Variants in CTNNA2 observed in about 807,000 individuals in gnomAD.
CTNNA2 encodes the protein catenin alpha-2.
CTNNA2 carries 42 observed loss-of-function variants against 101.0 expected under a neutral mutation model. That is an observed-to-expected ratio of 0.42 (90% CI 0.32 to 0.54). The LOEUF (loss-of-function observed/expected upper bound fraction) is 0.54. Among genes scored for constraint, CTNNA2 ranks in the 20% least tolerant of loss-of-function variants. The pLI is 0.14. For synonymous variants in CTNNA2, 450 were observed against 456.4 expected, an observed-to-expected ratio of 0.99 and a Z score of 0.18; for missense variants, 871 against 1,223.1, an observed-to-expected ratio of 0.71 and a Z score of 4.29.
At chr2:80,594,469 T>C (rs1357664366) in intron 15 of CTNNA2, among the ~76,000 whole-genome samples, 1 of 152,136 alleles carries the variant, frequency 6.6e-6, no homozygotes, top group African/African-American at 2.4e-5. Context: ...TTTTTCACTA[T>C]TTGTTGATAG....
intron 2 of CTNNA2, among the ~76,000 whole-genome samples, chr2:79,270,685 C>T (rs1558593723): frequency 1.3e-5 from 2 of 151,860 alleles, no homozygotes; most frequent in African/African-American, 2.4e-5. Context: ...GAGCATAATC[C>T]ACTGTGTCCC....
At chr2:80,020,641 G>A (rs987428132) in intron 7 of CTNNA2, among the ~76,000 whole-genome samples, 5 of 152,152 alleles carry the variant, frequency 3.3e-5, no homozygotes, top group African/African-American at 1.2e-4. Context: ...ACTATGCAGA[G>A]AACCCCTTTT....
At chr2:80,522,628 G>A (rs1325949445) in intron 9 of CTNNA2, among the ~76,000 whole-genome samples, 1 of 152,046 alleles carries the variant, frequency 6.6e-6, no homozygotes, top group Non-Finnish European at 1.5e-5. Flanking sequence ...GGTGGGAGGT[G>A]ATTGGATCAT....
chr2:80,503,736 C>A (rs945233458), intron 9 of CTNNA2, among the ~76,000 whole-genome samples: 1 of 152,094 alleles, frequency 6.6e-6, no homozygotes, highest in African/African-American at 2.4e-5. Flanking sequence ...TCTGGCCAAA[C>A]AGGTCAGTGT....
At chr2:79,993,928 G>A (rs1000311936) in intron 7 of CTNNA2, among the ~76,000 whole-genome samples, 3 of 152,100 alleles carry the variant, frequency 2.0e-5, no homozygotes, top group Non-Finnish European at 4.4e-5. Context: ...TTTGGAGACA[G>A]CATCTCTCTC....
chr2:79,967,568 C>T (rs1690164121), intron 7 of CTNNA2, among the ~76,000 whole-genome samples: 1 of 152,164 alleles, frequency 6.6e-6, no homozygotes, highest in Admixed American at 6.5e-5. Context: ...TTTGAGCCTT[C>T]TCGAATAAAA....
At chr2:80,596,306 T>G (rs1696967705) in intron 15 of CTNNA2, among the ~76,000 whole-genome samples, 2 of 73,454 alleles carry the variant, frequency 2.7e-5, no homozygotes, top group South Asian at 6.6e-4. Context: ...TTTTTTTTTT[T>G]TTTTTTTTTT....
At chr2:79,240,798 C>T (rs1232715910) in intron 2 of CTNNA2, among the ~76,000 whole-genome samples, 1 of 152,046 alleles carries the variant, frequency 6.6e-6, no homozygotes, top group African/African-American at 2.4e-5. Flanking sequence ...AGTTCTGAGT[C>T]TGGGGAAATG....
intron 1 of CTNNA2, among the ~76,000 whole-genome samples, chr2:79,606,417 G>A (rs1486969671): frequency 2.0e-5 from 3 of 151,960 alleles, no homozygotes; most frequent in Non-Finnish European, 4.4e-5. Flanking sequence ...ACAGACACCC[G>A]CCAGCACGCC....
chr2:79,557,572 T>A (rs1407643988), intron 1 of CTNNA2, among the ~76,000 whole-genome samples: 3 of 152,118 alleles, frequency 2.0e-5, no homozygotes, highest in African/African-American at 7.2e-5. Context: ...TTTGAACTAC[T>A]TATTCTCTGT....
At chr2:79,949,717 G>A (rs1307316137) in intron 7 of CTNNA2, among the ~76,000 whole-genome samples, 1 of 152,180 alleles carries the variant, frequency 6.6e-6, no homozygotes, top group African/African-American at 2.4e-5. Context: ...GTTCGAGGCT[G>A]TAGGGACCCA....
At chr2:79,444,820 A>G (rs1227893547) in intron 4 of CTNNA2, among the ~76,000 whole-genome samples, 1 of 152,132 alleles carries the variant, frequency 6.6e-6, no homozygotes, top group Non-Finnish European at 1.5e-5. Context: ...ATTCATGATT[A>G]AAGTTATGTT....
At chr2:80,184,395 T>G (rs945320592) in intron 7 of CTNNA2, among the ~76,000 whole-genome samples, 1 of 152,168 alleles carries the variant, frequency 6.6e-6, no homozygotes, top group African/African-American at 2.4e-5. Context: ...TGCTTAGGGC[T>G]TTGATGGCAT....
Position 80,647,998 on chromosome 2 carries a change from GTC to G in CTNNA2, c.*128_*129del. 1.1e-6 allele frequency: 1 copy of G among 874,464 alleles called. No homozygotes were observed. Among genetic ancestry groups the G allele is most frequent in the East Asian group, 2.7e-5 (1 of 37,488 alleles). 54.2% of individuals were successfully genotyped at this position (874,464 alleles called of 1,614,324 possible). A position where few individuals can be genotyped will look rare whatever the true frequency, so the allele number is the denominator to read the frequency against. On this transcript the variant is annotated 3_prime_UTR_variant, in exon 19 of 19. Coordinates refer to ENST00000402739, the MANE Select transcript of CTNNA2 (RefSeq NM_001282597.3). ...GGCATGGGGAAATTAAGGGAACAGT[GTC>G]TGTTTGCATGTAAGATGAGATGAGA... is the stretch of plus-strand genomic sequence containing the variant.
intron 7 of CTNNA2, among the ~76,000 whole-genome samples, chr2:80,325,719 G>A (rs1331674004): frequency 6.6e-6 from 1 of 152,182 alleles, no homozygotes; most frequent in Non-Finnish European, 1.5e-5. Context: ...TAGAAGCCAT[G>A]ATGAGAATTT....
At chr2:79,349,256 A>T (rs1198002796) in intron 3 of CTNNA2, among the ~76,000 whole-genome samples, 1 of 152,218 alleles carries the variant, frequency 6.6e-6, no homozygotes, top group East Asian at 1.9e-4. Flanking sequence ...ATATTCAATC[A>T]AGCGTGCTAT....
intron 7 of CTNNA2, among the ~76,000 whole-genome samples, chr2:80,139,587 A>T (rs1702886508): frequency 6.6e-6 from 1 of 152,138 alleles, no homozygotes; most frequent in East Asian, 1.9e-4. Context: ...GTATATATTG[A>T]TACACACATC....
At chr2:80,595,167 C>A (rs1251985949) in intron 15 of CTNNA2, among the ~76,000 whole-genome samples, 1 of 152,080 alleles carries the variant, frequency 6.6e-6, no homozygotes, top group African/African-American at 2.4e-5. Context: ...GTAATTTCAA[C>A]AATATTTTGT....
At chr2:79,664,705 C>CTTTTT (rs67782114) in intron 2 of CTNNA2, among the ~76,000 whole-genome samples, 3 of 94,988 alleles carry the variant, frequency 3.2e-5, no homozygotes, top group African/African-American at 1.3e-4. Flanking sequence ...TCACATTCTT[C>CTTTTT]TTTTTTTTTT....
Sources: allele counts gnomAD v4.1 joint callset (sites outside exome capture counted in the v4.1 genomes callset), GRCh38; gene constraint gnomAD v4.1.1; transcripts MANE v1.5; gene names NCBI Gene and HGNC (gene_info 2026-07-23, HGNC 2026-07-21).